Variants in GPHN observed in about 807,000 individuals in gnomAD.
GPHN encodes the protein gephyrin.
In GPHN, 17 loss-of-function variants were observed where a neutral mutation model predicts 95.5. That is an observed-to-expected ratio of 0.18 (90% CI 0.12 to 0.27). The LOEUF (loss-of-function observed/expected upper bound fraction) is 0.27. Ranked by LOEUF, GPHN falls within the 10% of genes least tolerant of loss-of-function variation. The probability of loss-of-function intolerance (pLI) is 1.00; values close to 1 mark genes in which losing one functional copy is unlikely to be tolerated. For missense variants in GPHN, 660 were observed against 978.1 expected (o/e 0.67, Z 4.34); for synonymous variants, 320 against 322.5 (o/e 0.99, Z 0.08).
the GPHN span, chr14:67,446,209 T>A: frequency 2.8e-6 from 1 of 363,414 alleles, no homozygotes; most frequent in African/African-American, 2.1e-5. Flanking sequence ...GGGCTTCAGT[T>A]TTCTCATCTG....
At chr14:67,009,690 T>C (rs1177030399) in intron 9 of GPHN, among the ~76,000 whole-genome samples, 2 of 152,150 alleles carry the variant, frequency 1.3e-5, no homozygotes, top group African/African-American at 2.4e-5. Context: ...GGTCTGTCTA[T>C]ATTATACTAA....
At chr14:67,296,585 CAAAAAA>C in the GPHN span, among the ~76,000 whole-genome samples, 1 of 51,024 alleles carries the variant, frequency 2.0e-5, no homozygotes, top group Non-Finnish European at 6.5e-5. Context: ...AACTCTGTCT[CAAAAAA>C]AAAAAAAAAA....
At chr14:67,428,762 G>A in the GPHN span, among the ~76,000 whole-genome samples, 1 of 152,202 alleles carries the variant, frequency 6.6e-6, no homozygotes, top group South Asian at 2.1e-4. Context: ...TTGAGGGCCT[G>A]GCCTCCTTCC....
chr14:67,635,112 C>T, the GPHN span, among the ~76,000 whole-genome samples: 60 of 152,118 alleles, frequency 3.9e-4, no homozygotes, highest in African/African-American at 1.2e-3. Flanking sequence ...GGTATGGTGG[C>T]GCATGCCTGT....
At chr14:67,284,607 A>G in the GPHN span, among the ~76,000 whole-genome samples, 2 of 146,196 alleles carry the variant, frequency 1.4e-5, no homozygotes, top group African/African-American at 5.1e-5. Flanking sequence ...AATCATCACT[A>G]CTATATAATT....
chr14:67,585,659 GA>G, the GPHN span: 1 of 1,545,740 alleles, frequency 6.5e-7, no homozygotes, highest in Non-Finnish European at 8.8e-7. Flanking sequence ...ACTATGGTAT[GA>G]AAGGATGCAG....
At chr14:67,573,536 A>G in the GPHN span, 2 of 648,108 alleles carry the variant, frequency 3.1e-6, no homozygotes, top group South Asian at 1.9e-5. This position sits in a 1 kb window ranked among gnomAD's most constrained non-coding sequence, Gnocchi z 4.8. Context: ...TGGGCCCCTG[A>G]GGCTTTGAGC....
intron 18 of GPHN, among the ~76,000 whole-genome samples, chr14:67,154,016 A>C (rs2081437239): frequency 6.6e-6 from 1 of 152,258 alleles, no homozygotes. Flanking sequence ...AAGAAAAATA[A>C]AACACTTTCA....
chr14:67,530,911 C>G, the GPHN span, among the ~76,000 whole-genome samples: 4 of 152,220 alleles, frequency 2.6e-5, no homozygotes, highest in South Asian at 6.2e-4. Context: ...ATGGCCTCCT[C>G]TCACCTCTCA....
intron 1 of GPHN, among the ~76,000 whole-genome samples, chr14:66,543,777 A>G (rs2059435096): frequency 6.6e-6 from 1 of 152,132 alleles, no homozygotes; most frequent in East Asian, 1.9e-4. Flanking sequence ...CAGATGTGTC[A>G]ATTCCCCACC....
At chr14:66,514,912 T>C (rs950392653) in intron 1 of GPHN, among the ~76,000 whole-genome samples, 4 of 152,092 alleles carry the variant, frequency 2.6e-5, no homozygotes, top group African/African-American at 9.7e-5. Flanking sequence ...GGATAGAACT[T>C]TGGAGTCAGA....
chr14:67,651,180 T>C, the GPHN span: 5 of 1,032,282 alleles, frequency 4.8e-6, no homozygotes, highest in South Asian at 8.5e-5. Flanking sequence ...ATTTATTACC[T>C]TGGTATATCA....
the GPHN span, chr14:67,660,185 A>G: frequency 3.0e-6 from 1 of 328,472 alleles, no homozygotes; most frequent in East Asian, 5.7e-5. Flanking sequence ...ATAGCTTACT[A>G]AACACTTTTA....
chr14:67,436,920 G>T, the GPHN span, among the ~76,000 whole-genome samples: 1 of 152,110 alleles, frequency 6.6e-6, no homozygotes, highest in Non-Finnish European at 1.5e-5. Flanking sequence ...AGCCAGGCTT[G>T]GTGGCACACA....
intron 8 of GPHN, among the ~76,000 whole-genome samples, chr14:66,932,384 G>A (rs1019151069): frequency 2.1e-4 from 28 of 131,380 alleles, no homozygotes; most frequent in Admixed American, 1.7e-3. Flanking sequence ...GCTGCTGCTT[G>A]TGTTTACTGA....
intron 3 of GPHN, among the ~76,000 whole-genome samples, chr14:66,817,131 A>G (rs2061002255): frequency 1.3e-5 from 2 of 152,084 alleles, no homozygotes; most frequent in African/African-American, 4.8e-5. Flanking sequence ...TTATGTTAAT[A>G]TACTGATCTA....
At chr14:67,033,156 TCAA>T (rs1182471099) in intron 10 of GPHN, among the ~76,000 whole-genome samples, 1 of 152,112 alleles carries the variant, frequency 6.6e-6, no homozygotes, top group Non-Finnish European at 1.5e-5. Context: ...CTAGAGGGGT[TCAA>T]CAATTACTTG....
chr14:67,130,496 C>CA (rs2079634706), intron 17 of GPHN, among the ~76,000 whole-genome samples: 1 of 151,494 alleles, frequency 6.6e-6, no homozygotes, highest in Non-Finnish European at 1.5e-5. Flanking sequence ...ATATGCACCA[C>CA]TTTTTTTTTA....
intron 2 of GPHN, among the ~76,000 whole-genome samples, chr14:66,699,119 T>A (rs1286794987): frequency 1.3e-5 from 2 of 152,170 alleles, no homozygotes; most frequent in Non-Finnish European, 2.9e-5. Flanking sequence ...TTATCAGCAG[T>A]GTAGCATGAT....
Sources: allele counts gnomAD v4.1 joint callset (sites outside exome capture counted in the v4.1 genomes callset), GRCh38; gene constraint gnomAD v4.1.1; non-coding constraint Gnocchi (gnomAD v3.1); transcripts MANE v1.5; gene names NCBI Gene and HGNC (gene_info 2026-07-23, HGNC 2026-07-21).